The following RFX2 variants were observed in gnomAD, a reference collection of about 807,000 sequenced individuals.
RFX2 encodes the protein DNA-binding protein RFX2.
In RFX2, 20 loss-of-function variants were observed where a neutral mutation model predicts 87.8. That is an observed-to-expected ratio of 0.23 (90% CI 0.16 to 0.33). RFX2 has a LOEUF of 0.33. RFX2 is among the 10% of genes least tolerant of loss of function. RFX2 has a pLI of 1.00. For missense variants in RFX2, 767 were observed against 1,012.3 expected (o/e 0.76, Z 3.29); for synonymous variants, 397 against 431.3 (o/e 0.92, Z 0.98).
In RFX2 at chr19:6,027,401, C is replaced by T. The variant is rs924982355; in HGVS notation, c.523-1164G>A. 5 of 152,306 alleles carry T rather than the reference C, an allele frequency of 3.3e-5. No homozygotes were observed. Among genetic ancestry groups the T allele is most frequent in the African/African-American group, 9.6e-5 (4 of 41,456 alleles). The allele number at this position is 152,306 out of a possible 1,614,324, so 9.4% of individuals were successfully genotyped here. ...GTAGGATGGTGAGACCTCTCCCACC[C>T]ATCAGCCTCAGGGTGCAGGCGATGA... On this transcript the variant is annotated intron_variant, in intron 5 of 17. Transcript: ENST00000303657. This position sits in a 1 kb window ranked among gnomAD's most constrained non-coding sequence, Gnocchi z 5.0.
In RFX2 at chr19:6,010,316, T is replaced by TG; in HGVS notation, c.900-66dup. 9.4e-7 allele frequency: 1 copy of TG among 1,059,442 alleles called. No homozygotes were observed. Among genetic ancestry groups the TG allele is most frequent in the Non-Finnish European group, 1.4e-6 (1 of 710,622 alleles). 65.6% of individuals were successfully genotyped at this position (1,059,442 alleles called of 1,614,324 possible). On this transcript the variant is annotated intron_variant, in intron 8 of 17. Transcript: ENST00000303657. This position sits in a 1 kb window ranked among gnomAD's most constrained non-coding sequence, Gnocchi z 5.0. ...CCCTGCTGCGGGTGGGCCCAAAGACTGGGGGGCTGGGCAGGATTCAGTCAG... is the reference window on the plus strand; with the variant it reads ...CCCTGCTGCGGGTGGGCCCAAAGACTGGGGGGGCTGGGCAGGATTCAGTCAG...
Position 6,039,885 on chromosome 19 carries a change from C to A in RFX2, c.522+95G>T. 1 of 1,394,106 alleles carries A rather than the reference C, an allele frequency of 7.2e-7. No homozygotes were observed. Among genetic ancestry groups the A allele is most frequent in the Non-Finnish European group, 9.5e-7 (1 of 1,047,642 alleles). The allele number at this position is 1,394,106 out of a possible 1,614,324, so 86.4% of individuals were successfully genotyped here. A position where few individuals can be genotyped will look rare whatever the true frequency, so the allele number is the denominator to read the frequency against. On this transcript the variant is annotated intron_variant, in intron 5 of 17. Coordinates refer to ENST00000303657, the MANE Select transcript of RFX2 (RefSeq NM_000635.4). This position sits in a 1 kb window ranked among gnomAD's most constrained non-coding sequence, Gnocchi z 5.2. ...GGCCCAGAGCAGACGACAGCCCCTC[C>A]GGGCCTCCGGCTGCCTCTTACTCAC...
chr19:6,069,583 A>T (rs2087564893), intron 1 of RFX2, among the ~76,000 whole-genome samples: 1 of 152,210 alleles, frequency 6.6e-6, no homozygotes. Context: ...CCATTTAGAG[A>T]TCCCAAAGAA....
chr19:6,002,067 G>C lies in RFX2; in HGVS notation c.1651-44C>G. 1 of 1,512,824 alleles carries C rather than the reference G, an allele frequency of 6.6e-7. No individual in the cohort carries two copies. Among genetic ancestry groups the C allele is most frequent in the Non-Finnish European group, 8.9e-7 (1 of 1,119,036 alleles). 93.7% of individuals were successfully genotyped at this position (1,512,824 alleles called of 1,614,324 possible). ...CCAGTGTCAGCAATGTGGACCCCCAGCCACGGCAGCCCTCCCTGGACCTAG... is the reference window on the plus strand; with the variant it reads ...CCAGTGTCAGCAATGTGGACCCCCACCCACGGCAGCCCTCCCTGGACCTAG... On this transcript the variant is annotated intron_variant, in intron 14 of 17. Transcript: ENST00000303657. This position sits in a 1 kb window ranked among gnomAD's most constrained non-coding sequence, Gnocchi z 6.7.
intron 6 of RFX2, among the ~76,000 whole-genome samples, chr19:6,019,584 G>A (rs1306601977): frequency 6.3e-5 from 7 of 110,960 alleles, no homozygotes; most frequent in African/African-American, 2.7e-4. Flanking sequence ...TTAGAGACAG[G>A]GATATATATA....
chr19:6,035,894 CAT>C (rs1184800610), intron 5 of RFX2, among the ~76,000 whole-genome samples: 10 of 129,280 alleles, frequency 7.7e-5, no homozygotes, highest in African/African-American at 3.1e-4. Context: ...TGTGTGAAAA[CAT>C]AGCCTATTCA....
At chr19:6,079,107 T>C (rs1568187692) in intron 1 of RFX2, among the ~76,000 whole-genome samples, 2 of 152,214 alleles carry the variant, frequency 1.3e-5, no homozygotes, top group Non-Finnish European at 2.9e-5. Context: ...AAGTTGTAAT[T>C]CATTGGTAAA....
chr19:6,050,265 T>C lies in RFX2; in HGVS notation c.-8-2761A>G, dbSNP rs774315958. On this transcript the variant is annotated intron_variant, in intron 1 of 17. Transcript: ENST00000303657. The surrounding 1 kb of genome is among the most constrained non-coding windows in gnomAD (Gnocchi z 4.6). ...ACCTACAGATTCTACAATACATCAT[T>C]AATGATGTCCAGGACCCAGTAAAAA... is the stretch of plus-strand genomic sequence containing the variant. Among the ~76,000 whole-genome samples the C allele has an allele frequency of 1.8e-4, 27 of 152,234 alleles. No homozygotes were observed. The highest frequency in any genetic ancestry group is 3.2e-4 in the Non-Finnish European group (22 of 68,020).
chr19:6,009,242 G>T, intron 9 of RFX2, among the ~76,000 whole-genome samples: 1 of 152,132 alleles, frequency 6.6e-6, no homozygotes, highest in Non-Finnish European at 1.5e-5. Context: ...TTCTGTTTGG[G>T]CTCAAAAAAG....
chr19:6,013,445 CAA>C lies in RFX2; in HGVS notation c.780-342_780-341del, dbSNP rs1189013541. On this transcript the variant is annotated intron_variant, in intron 7 of 17. Transcript: ENST00000303657. This position sits in a 1 kb window ranked among gnomAD's most constrained non-coding sequence, Gnocchi z 4.1. The stretch of plus-strand genomic sequence containing the variant: ...AAGTGATCCTCCTGCCTTGGCCTCC[CAA>C]AGTGCTGGGATTACAGGCGTGAGCC... Among the ~76,000 whole-genome samples the C allele has an allele frequency of 6.6e-6, 1 of 151,308 alleles. No individual in the cohort carries two copies. The highest frequency in any genetic ancestry group is 1.5e-5 in the Non-Finnish European group (1 of 67,908).
intron 3 of RFX2, among the ~76,000 whole-genome samples, chr19:6,042,373 G>A (rs547229183): frequency 1.2e-4 from 19 of 152,270 alleles, no homozygotes; most frequent in Middle Eastern, 3.4e-3. Context: ...GTGTCTGTGC[G>A]CCCTGGCTCC....
At chr19:6,085,054 A>G (rs758564898) in intron 1 of RFX2, among the ~76,000 whole-genome samples, 1 of 152,232 alleles carries the variant, frequency 6.6e-6, no homozygotes, top group Admixed American at 6.5e-5. Context: ...GCTGAATAGT[A>G]TTCCATTGTA....
rs768531063 is a variant in RFX2, at chr19:6,064,097, C to A, written c.-8-16593G>T. ...GCAGCCCCCTCACAGATCCCTCACC[C>A]CAACCCCAGACCCTACGTAGCACAT... On this transcript the variant is annotated intron_variant, in intron 1 of 17. Coordinates refer to ENST00000303657, the MANE Select transcript of RFX2 (RefSeq NM_000635.4). This position sits in a 1 kb window ranked among gnomAD's most constrained non-coding sequence, Gnocchi z 4.8. Among the ~76,000 whole-genome samples the A allele has an allele frequency of 7.2e-5, 11 of 152,202 alleles. No homozygotes were observed. Among genetic ancestry groups the A allele is most frequent in the Non-Finnish European group, 8.8e-5 (6 of 68,038 alleles).
intron 2 of RFX2, among the ~76,000 whole-genome samples, chr19:6,046,016 T>C (rs1047263349): frequency 1.3e-5 from 2 of 152,130 alleles, no homozygotes; most frequent in Non-Finnish European, 2.9e-5. Context: ...ACCATAATCA[T>C]TTCTTTTTGC....
chr19:6,109,994 G>A lies in RFX2; in HGVS notation c.-9+399C>T, dbSNP rs558697310. On this transcript the variant is annotated intron_variant, in intron 1 of 17. Coordinates refer to ENST00000303657, the MANE Select transcript of RFX2 (RefSeq NM_000635.4). Reference sequence around the variant, plus strand: ...TGCCCCCAACTCAGAGATCTAGGGGGTTAAGGTGAGAAGAGGGTCCCCAAG... The same window carrying A: ...TGCCCCCAACTCAGAGATCTAGGGGATTAAGGTGAGAAGAGGGTCCCCAAG... Among the ~76,000 whole-genome samples the A allele has an allele frequency of 3.4e-4, 51 of 151,898 alleles. 1 individual carries two copies. In the South Asian group the frequency reaches 0.011, roughly 32 times the overall value.
At position 6,040,339 on chromosome 19, in the gene RFX2, AC is replaced by A; in HGVS notation, c.261-99del. ...AGCCAAACATCACGTAAAAGCTGCA[AC>A]CCAGAGAGGCCAGACATATGGAGCA... On this transcript the variant is annotated intron_variant, in intron 4 of 17. Transcript: ENST00000303657. This position sits in a 1 kb window ranked among gnomAD's most constrained non-coding sequence, Gnocchi z 6.1. The A allele has an allele frequency of 7.6e-7, 1 of 1,315,702 alleles. No homozygotes were observed. The highest frequency in any genetic ancestry group is 1.0e-6 in the Non-Finnish European group (1 of 975,912). 81.5% of individuals were successfully genotyped at this position (1,315,702 alleles called of 1,614,324 possible). A position where few individuals can be genotyped will look rare whatever the true frequency, so the allele number is the denominator to read the frequency against.
chr19:6,082,998 G>A (rs565023904), intron 1 of RFX2, among the ~76,000 whole-genome samples: 4 of 152,180 alleles, frequency 2.6e-5, no homozygotes, highest in African/African-American at 9.6e-5. Flanking sequence ...GGCTGCAGTG[G>A]CACAAACACG....
intron 1 of RFX2, among the ~76,000 whole-genome samples, chr19:6,078,964 C>CG (rs1181320433): frequency 6.6e-6 from 1 of 152,154 alleles, no homozygotes; most frequent in Admixed American, 6.5e-5. Context: ...TTAGTAGAGA[C>CG]GGGGTTTCAC....
chr19:6,034,138 C>T (rs564519795), intron 5 of RFX2, among the ~76,000 whole-genome samples: 7 of 151,720 alleles, frequency 4.6e-5, no homozygotes, highest in African/African-American at 1.7e-4. Context: ...GGCACCATCA[C>T]GGCTCACTGC....
Sources: gnomAD v4.1 joint callset for allele counts (sites outside exome capture counted in the v4.1 genomes callset) on GRCh38, gnomAD v4.1.1 for gene constraint, Gnocchi (gnomAD v3.1) non-coding constraint, MANE v1.5 for transcripts, NCBI Gene and HGNC (gene_info 2026-07-23, HGNC 2026-07-21) for gene names.